Variants in PPP1R12B observed in about 807,000 individuals in gnomAD.
PPP1R12B encodes protein phosphatase 1 regulatory subunit 12B.
PPP1R12B carries 76 observed loss-of-function variants against 126.1 expected under a neutral mutation model. The observed-to-expected ratio is 0.60, with a 90% CI of 0.50 to 0.73. The LOEUF (loss-of-function observed/expected upper bound fraction) is 0.73, where lower values mean the gene tolerates loss of function less well. Ranked by LOEUF, PPP1R12B falls within the 30% of genes least tolerant of loss-of-function variation. The pLI, the probability that PPP1R12B is intolerant of heterozygous loss-of-function variation, is 0.00. For missense variants in PPP1R12B, 1,052 were observed against 1,205.1 expected, an observed-to-expected ratio of 0.87 and a Z score of 1.88; for synonymous variants, 356 against 434.7, an observed-to-expected ratio of 0.82 and a Z score of 2.25.
intron 1 of PPP1R12B, among the ~76,000 whole-genome samples, chr1:202,377,934 G>T (rs1322632749): frequency 6.8e-6 from 1 of 146,874 alleles, no homozygotes; most frequent in Non-Finnish European, 1.5e-5. Context: ...CCGCCCCCGG[G>T]TTCACGCCAT....
intron 13 of PPP1R12B, among the ~76,000 whole-genome samples, chr1:202,462,073 A>G (rs1674372904): frequency 6.6e-6 from 1 of 152,210 alleles, no homozygotes; most frequent in African/African-American, 2.4e-5. Context: ...TTTTGATACT[A>G]AGGTGAGCAT....
In PPP1R12B at chr1:202,392,528, C is replaced by CT. The variant is rs923432085; in HGVS notation, c.292-24248dup. Among the ~76,000 whole-genome samples, 306 of 142,244 alleles carry CT rather than the reference C, an allele frequency of 2.2e-3. 3 individuals are homozygous for CT. Among genetic ancestry groups the CT allele is most frequent in the African/African-American group, 5.0e-3 (196 of 39,160 alleles). 93.3% of individuals were successfully genotyped at this position (142,244 alleles called of 152,430 possible). A position where few individuals can be genotyped will look rare whatever the true frequency, so the allele number is the denominator to read the frequency against. Reference sequence around the variant, plus strand: ...AGGATACAGGACTTCTTTTTTTTTTCTTTTTTTTTTTGAGACAGTGTCTCA... The same window carrying CT: ...AGGATACAGGACTTCTTTTTTTTTTCTTTTTTTTTTTTGAGACAGTGTCTCA... On this transcript the variant is annotated intron_variant, in intron 1 of 23. Coordinates refer to ENST00000608999, the MANE Select transcript of PPP1R12B (RefSeq NM_002481.4).
intron 12 of PPP1R12B, 98 bp from the exon 13 acceptor site, chr1:202,448,890 TA>T: frequency 7.8e-7 from 1 of 1,282,750 alleles, no homozygotes; most frequent in South Asian, 1.4e-5. Context: ...CGAGATTTCC[TA>T]GATGAACCAC....
At position 202,588,824 on chromosome 1, in the gene PPP1R12B, A is replaced by AAGATAGATAGATGATAGAT. The variant is rs764801546; in HGVS notation, c.*8276_*8277insGATAGATAGATAGATAGAT. On this transcript the variant is annotated 3_prime_UTR_variant, in exon 24 of 24. Coordinates refer to ENST00000608999, the MANE Select transcript of PPP1R12B (RefSeq NM_002481.4). ...CTAGATTGGCGTTCAAAAGAACCGT[A>AAGATAGATAGATGATAGAT]AGATAGATAGATAGATAGATAGATA... is the stretch of plus-strand genomic sequence containing the variant. 1.4e-5 allele frequency: 2 copies of AAGATAGATAGATGATAGAT among 144,124 alleles called. No individual in the cohort carries two copies. The highest frequency in any genetic ancestry group is 4.1e-4 in the East Asian group (2 of 4,908). 8.9% of individuals were successfully genotyped at this position (144,124 alleles called of 1,614,324 possible).
intron 19 of PPP1R12B, among the ~76,000 whole-genome samples, chr1:202,559,761 C>A (rs941453489): frequency 6.6e-6 from 1 of 152,112 alleles, no homozygotes; most frequent in Non-Finnish European, 1.5e-5. Flanking sequence ...TGCCCTCTCA[C>A]CAGGCAGCAG....
intron 1 of PPP1R12B, among the ~76,000 whole-genome samples, chr1:202,391,210 A>C (rs2148523497): frequency 6.6e-6 from 1 of 152,368 alleles, no homozygotes; most frequent in Admixed American, 6.5e-5. Flanking sequence ...CAATTAAAAA[A>C]TGGACAAATA....
chr1:202,588,851 A>ATAGAT lies in PPP1R12B; in HGVS notation c.*8292_*8296dup, dbSNP rs1321111953. 1 of 145,272 alleles carries ATAGAT rather than the reference A, an allele frequency of 6.9e-6. No homozygotes were observed. Among genetic ancestry groups the ATAGAT allele is most frequent in the East Asian group, 2.0e-4 (1 of 5,122 alleles). 9.0% of individuals were successfully genotyped at this position (145,272 alleles called of 1,614,324 possible). On this transcript the variant is annotated 3_prime_UTR_variant, in exon 24 of 24. Transcript: ENST00000608999. ...GATAGATAGATAGATAGATAGATAG[A>ATAGAT]TAGATAGATAGATAGATAGATATCA...
At chr1:202,557,534 T>TTAATGAGTCC (rs1487932953) in intron 18 of PPP1R12B, among the ~76,000 whole-genome samples, 1 of 152,194 alleles carries the variant, frequency 6.6e-6, no homozygotes, top group African/African-American at 2.4e-5. Context: ...TATACTTTTC[T>TTAATGAGTCC]TAATGAGTCC....
chr1:202,356,428 G>T (rs1250782676), intron 1 of PPP1R12B, among the ~76,000 whole-genome samples: 1 of 152,090 alleles, frequency 6.6e-6, no homozygotes, highest in Non-Finnish European at 1.5e-5. Flanking sequence ...GCTGTTGGAA[G>T]ATGTGGTAGG....
chr1:202,436,697 C>T (rs1670866209), intron 9 of PPP1R12B, among the ~76,000 whole-genome samples: 1 of 152,056 alleles, frequency 6.6e-6, no homozygotes, highest in Non-Finnish European at 1.5e-5. Context: ...GTAAGCTTTC[C>T]ATAAAGCTTT....
At chr1:202,458,709 T>C (rs1467441830) in intron 13 of PPP1R12B, among the ~76,000 whole-genome samples, 2 of 152,234 alleles carry the variant, frequency 1.3e-5, no homozygotes, top group East Asian at 3.8e-4. Flanking sequence ...AGCTAAATTT[T>C]CCTTCTGAAA....
intron 1 of PPP1R12B, among the ~76,000 whole-genome samples, chr1:202,350,580 C>A (rs531543833): frequency 6.6e-6 from 1 of 151,822 alleles, no homozygotes; most frequent in African/African-American, 2.4e-5. Flanking sequence ...CTTTAAATTT[C>A]TGAACTCTTT....
At position 202,445,881 on chromosome 1, in the gene PPP1R12B, G is replaced by A. The variant is rs1672167808; in HGVS notation, c.1668-3108G>A. On this transcript the variant is annotated intron_variant, in intron 12 of 23. Coordinates refer to ENST00000608999, the MANE Select transcript of PPP1R12B (RefSeq NM_002481.4). ...TTAACTGTGGCTTTTAATCCTTTAT[G>A]TGTGCTGGCAAAGGGTCTCTTTTTT... Among the ~76,000 whole-genome samples, 9 of 152,220 alleles carry A rather than the reference G, an allele frequency of 5.9e-5. No individual in the cohort carries two copies. In the South Asian group the frequency reaches 1.9e-3, roughly 32 times the overall value.
intron 9 of PPP1R12B, among the ~76,000 whole-genome samples, chr1:202,435,725 T>G (rs1242008014): frequency 2.6e-5 from 4 of 152,200 alleles, no homozygotes; most frequent in Non-Finnish European, 5.9e-5. Flanking sequence ...TGTGGTTATA[T>G]AGGTATGAAC....
chr1:202,360,128 G>A (rs191630657), intron 1 of PPP1R12B, among the ~76,000 whole-genome samples: 9 of 152,148 alleles, frequency 5.9e-5, no homozygotes, highest in Admixed American at 5.2e-4. Flanking sequence ...TTTGTCCCAC[G>A]TGTTTTCTAT....
chr1:202,436,747 G>T (rs1017103653), intron 9 of PPP1R12B, among the ~76,000 whole-genome samples: 11 of 151,982 alleles, frequency 7.2e-5, no homozygotes, highest in African/African-American at 2.7e-4. Flanking sequence ...CAAAATTGTG[G>T]TAATGATGAG....
At position 202,585,732 on chromosome 1, in the gene PPP1R12B, T is replaced by C. The variant is rs993189860; in HGVS notation, c.*5172T>C. On this transcript the variant is annotated 3_prime_UTR_variant, in exon 24 of 24. Coordinates refer to ENST00000608999, the MANE Select transcript of PPP1R12B (RefSeq NM_002481.4). ...GAAGTGAATTTAATATTGAGGGTAA[T>C]TGAATGATGTTGCAATGGCTTTCCC... is the stretch of plus-strand genomic sequence containing the variant. The C allele has an allele frequency of 6.6e-6, 1 of 152,220 alleles. No individual in the cohort carries two copies. Among genetic ancestry groups the C allele is most frequent in the Non-Finnish European group, 1.5e-5 (1 of 68,038 alleles). The allele number at this position is 152,220 out of a possible 1,614,324, so 9.4% of individuals were successfully genotyped here.
At chr1:202,432,003 A>G (rs555379679) in intron 8 of PPP1R12B, among the ~76,000 whole-genome samples, 3 of 152,258 alleles carry the variant, frequency 2.0e-5, no homozygotes, top group African/African-American at 7.2e-5. Flanking sequence ...GAGGAATCCA[A>G]CTCTCCTTAC....
At chr1:202,551,248 T>G (rs980997829) in intron 18 of PPP1R12B, among the ~76,000 whole-genome samples, 9 of 152,236 alleles carry the variant, frequency 5.9e-5, no homozygotes, top group Non-Finnish European at 1.5e-5. Context: ...GTTTAACTTT[T>G]TGTTCTATAT....
Sources: allele counts gnomAD v4.1 joint callset (sites outside exome capture counted in the v4.1 genomes callset), GRCh38; gene constraint gnomAD v4.1.1; transcripts MANE v1.5; gene names NCBI Gene and HGNC (gene_info 2026-07-23, HGNC 2026-07-21).